Variants in TMEM217B observed in about 807,000 individuals in gnomAD.
TMEM217B encodes putative transmembrane protein 217B.
At chr6:37,242,198 G>C in the TMEM217B span, among the ~76,000 whole-genome samples, 1,533 of 152,188 alleles carry the variant, frequency 0.01, 33 homozygotes, top group African/African-American at 0.035. Context: ...CTATGGCTTA[G>C]AGCTCAGTCC....
the TMEM217B span, among the ~76,000 whole-genome samples, chr6:37,241,814 A>T: frequency 1.2e-4 from 18 of 152,322 alleles, no homozygotes; most frequent in East Asian, 9.6e-4. Context: ...TTAACTTTTT[A>T]AAAAAGTTAT....
chr6:37,218,648 C>T, the TMEM217B span: 3 of 1,614,106 alleles, frequency 1.9e-6, no homozygotes, highest in East Asian at 4.5e-5. Flanking sequence ...GCCAAACCAG[C>T]GCATGATTCT....
the TMEM217B span, among the ~76,000 whole-genome samples, chr6:37,229,349 T>TTTTG: frequency 3.0e-5 from 4 of 134,792 alleles, no homozygotes; most frequent in Non-Finnish European, 4.8e-5. Context: ...TTTTTTTTTT[T>TTTTG]TTTTTTTTTT....
chr6:37,233,159 C>A, the TMEM217B span, among the ~76,000 whole-genome samples: 1 of 152,066 alleles, frequency 6.6e-6, no homozygotes, highest in Admixed American at 6.6e-5. Context: ...CCACCCCCAC[C>A]TACTGTTTCT....
At chr6:37,257,220 T>A in the TMEM217B span, among the ~76,000 whole-genome samples, 1 of 152,218 alleles carries the variant, frequency 6.6e-6, no homozygotes, top group African/African-American at 2.4e-5. Flanking sequence ...GCACAAGTCC[T>A]TCAATCGTTT....
At chr6:37,253,005 T>C in the TMEM217B span, among the ~76,000 whole-genome samples, 1 of 152,154 alleles carries the variant, frequency 6.6e-6, no homozygotes, top group Non-Finnish European at 1.5e-5. Context: ...TACCAAGATG[T>C]ATATAATTCT....
the TMEM217B span, among the ~76,000 whole-genome samples, chr6:37,216,178 AAG>A: frequency 6.6e-6 from 1 of 152,064 alleles, no homozygotes; most frequent in Non-Finnish European, 1.5e-5. Context: ...TCCCAAGTTC[AAG>A]CAATTCTCCT....
the TMEM217B span, chr6:37,218,737 A>G: frequency 1.9e-3 from 3,028 of 1,614,120 alleles, 50 homozygotes; most frequent in African/African-American, 0.036. Context: ...AAATCCAGAC[A>G]ATGTAGATGA....
At chr6:37,225,385 G>A in the TMEM217B span, among the ~76,000 whole-genome samples, 1 of 151,984 alleles carries the variant, frequency 6.6e-6, no homozygotes, top group African/African-American at 2.4e-5. Flanking sequence ...AAAAAAACAA[G>A]CTAGTAAATA....
the TMEM217B span, among the ~76,000 whole-genome samples, chr6:37,215,882 C>T: frequency 3.9e-5 from 6 of 152,004 alleles, no homozygotes; most frequent in African/African-American, 1.4e-4. Flanking sequence ...TTTGCCTTGG[C>T]TTGAGCAGAG....
At chr6:37,217,380 G>C in the TMEM217B span, among the ~76,000 whole-genome samples, 9 of 152,200 alleles carry the variant, frequency 5.9e-5, no homozygotes, top group African/African-American at 1.7e-4. Flanking sequence ...ATCATATACT[G>C]TCTTATATGA....
chr6:37,219,601 G>A, the TMEM217B span, among the ~76,000 whole-genome samples: 1 of 152,062 alleles, frequency 6.6e-6, no homozygotes, highest in Non-Finnish European at 1.5e-5. Flanking sequence ...GTGTGGTGGT[G>A]CATGCCTGTA....
At chr6:37,233,736 A>G in the TMEM217B span, among the ~76,000 whole-genome samples, 4 of 152,308 alleles carry the variant, frequency 2.6e-5, no homozygotes, top group African/African-American at 9.6e-5. Flanking sequence ...ACAATTAACC[A>G]TACAGATGGT....
chr6:37,218,363 G>T, the TMEM217B span: 1 of 1,351,362 alleles, frequency 7.4e-7, no homozygotes, highest in Non-Finnish European at 1.0e-6. Flanking sequence ...TAGAGACGGG[G>T]TTTTGCCATG....
chr6:37,246,894 C>G, the TMEM217B span, among the ~76,000 whole-genome samples: 1 of 101,828 alleles, frequency 9.8e-6, no homozygotes, highest in African/African-American at 3.5e-5. Context: ...CAGAGCAAGA[C>G]TCTGTCTCAA....
chr6:37,218,343 T>C, the TMEM217B span: 2 of 1,175,796 alleles, frequency 1.7e-6, no homozygotes, highest in Non-Finnish European at 2.3e-6. Flanking sequence ...TAATTTTCTA[T>C]TTTTTTTAGT....
the TMEM217B span, among the ~76,000 whole-genome samples, chr6:37,220,112 G>A: frequency 1.9e-4 from 29 of 152,232 alleles, no homozygotes; most frequent in South Asian, 2.5e-3. Flanking sequence ...AAATAGAAGC[G>A]CGTAAGTCAA....
chr6:37,212,549 C>T, the TMEM217B span: 10 of 460,046 alleles, frequency 2.2e-5, no homozygotes, highest in Non-Finnish European at 3.5e-5. Flanking sequence ...GCATGCTTGA[C>T]GATGAAGGGC....
the TMEM217B span, among the ~76,000 whole-genome samples, chr6:37,214,704 T>C: frequency 6.6e-6 from 1 of 152,238 alleles, no homozygotes; most frequent in African/African-American, 2.4e-5. Context: ...GGTATCTGGC[T>C]TACTTCACTT....
Sources: allele counts gnomAD v4.1 joint callset (sites outside exome capture counted in the v4.1 genomes callset), GRCh38; gene constraint gnomAD v4.1.1; transcripts MANE v1.5; gene names NCBI Gene and HGNC (gene_info 2026-07-23, HGNC 2026-07-21).